The following EPG5 variants were observed in gnomAD, a reference collection of about 807,000 sequenced individuals.
The protein encoded by EPG5 is ectopic P granules protein 5 homolog.
A neutral mutation model predicts 302.7 loss-of-function variants in EPG5; 159 were observed. The observed-to-expected ratio is 0.53, with a 90% CI of 0.46 to 0.60. The LOEUF (loss-of-function observed/expected upper bound fraction) is 0.60, where lower values mean the gene tolerates loss of function less well. Among genes scored for constraint, EPG5 ranks in the 20% least tolerant of loss-of-function variants. EPG5 has a pLI of 0.00. For synonymous variants in EPG5, 1,158 were observed against 1,136.8 expected (o/e 1.02, Z -0.37); for missense variants, 2,896 against 3,092.4 (o/e 0.94, Z 1.51).
At position 45,954,796 on chromosome 18, in the gene EPG5, T is replaced by C. The variant is rs779003764; in HGVS notation, c.606A>G (p.Pro202=). 6.2e-7 allele frequency: 1 copy of C among 1,613,876 alleles called. No homozygotes were observed. Among genetic ancestry groups the C allele is most frequent in the Non-Finnish European group, 8.5e-7 (1 of 1,179,974 alleles). Residue 202 remains proline (P), a synonymous_variant, in exon 2 of 44, where the codon CCA becomes CCG. Transcript: ENST00000282041. ...TAGGTGTCTGAAAACCATGTTTGGCTGGGCAAGAACTCTGCAAGCCAACAT... is the reference window on the plus strand; with the variant it reads ...TAGGTGTCTGAAAACCATGTTTGGCCGGGCAAGAACTCTGCAAGCCAACAT... The part of the protein sequence containing the change: ...PQNVGLQSSC[P]AKHGFQTPRV...
At chr18:45,827,239 A>C in the EPG5 span, among the ~76,000 whole-genome samples, 1 of 152,166 alleles carries the variant, frequency 6.6e-6, no homozygotes, top group South Asian at 2.1e-4. Context: ...TTCCCTATGA[A>C]ACATTCTCTT....
In EPG5 at chr18:45,923,290, A is replaced by G; in HGVS notation, c.2816T>C (p.Ile939Thr). 1.2e-6 allele frequency: 2 copies of G among 1,613,992 alleles called. No individual in the cohort carries two copies. The highest frequency in any genetic ancestry group is 1.7e-6 in the Non-Finnish European group (2 of 1,179,946). Reference protein sequence around the residue: ...KYLAQKPYAGILSESMKQVSY... With the variant: ...KYLAQKPYAGTLSESMKQVSY... ...TACCTGCTTCATACTTTCAGAGAGAATCCCAGCATATGGCTTCTGTGCAAG... is the reference window on the plus strand; with the variant it reads ...TACCTGCTTCATACTTTCAGAGAGAGTCCCAGCATATGGCTTCTGTGCAAG... Residue 939 changes from isoleucine to threonine, a missense_variant, in exon 15 of 44, where the codon ATT (isoleucine) becomes ACT (threonine). Physicochemically the swap from Ile to Thr is moderately conservative, Grantham distance 89 (BLOSUM62 -1). Around this residue, in one of 5 missense-constraint regions of EPG5, gnomAD observed 1,390 missense variants for 1,430.0 expected, o/e 0.97. Transcript: ENST00000282041.
At chr18:45,930,099 G>C (rs984948104) in intron 12 of EPG5, among the ~76,000 whole-genome samples, 1 of 152,100 alleles carries the variant, frequency 6.6e-6, no homozygotes, top group East Asian at 1.9e-4. Context: ...GATGCTCAGG[G>C]GTCCAAATTT....
Position 45,916,583 on chromosome 18 carries a change from C to A in EPG5, c.3240-1G>T, listed in dbSNP as rs1409518394. On this transcript the variant is annotated splice_acceptor_variant, in intron 17 of 43. Transcript: ENST00000282041. LOFTEE classifies it high-confidence loss of function. ...GAACAAGAGGAGATGCGATAAAAAC[C>A]TGCCAAGCACACAGGAGGACGCACT... 1 of 1,593,482 alleles carries A rather than the reference C, an allele frequency of 6.3e-7. No individual in the cohort carries two copies. The highest frequency in any genetic ancestry group is 2.3e-5 in the East Asian group (1 of 44,178).
At chr18:45,855,722 G>T in intron 42 of EPG5, 35 bp from the exon 43 acceptor site, 2 of 1,349,004 alleles carry the variant, frequency 1.5e-6, no homozygotes, top group Admixed American at 1.7e-5. Flanking sequence ...AGAAGTAAAT[G>T]GCTATTAAAG....
intron 22 of EPG5, among the ~76,000 whole-genome samples, chr18:45,911,078 T>C (rs952723248): frequency 7.4e-5 from 10 of 135,366 alleles, no homozygotes; most frequent in African/African-American, 1.9e-4. Context: ...TATCTATCTA[T>C]ACACACACAC....
Position 45,963,088 on chromosome 18 carries a change from C to A in EPG5, c.63+4089G>T, listed in dbSNP as rs141227838. On this transcript the variant is annotated intron_variant, in intron 1 of 43. Coordinates refer to ENST00000282041, the MANE Select transcript of EPG5 (RefSeq NM_020964.3). ...ACATTATCAAGTGACAAAGAGGCTACGAAGGGTACTGAGAACAAGACAGGT... is the reference window on the plus strand; with the variant it reads ...ACATTATCAAGTGACAAAGAGGCTAAGAAGGGTACTGAGAACAAGACAGGT... Among the ~76,000 whole-genome samples, 11 of 152,176 alleles carry A rather than the reference C, an allele frequency of 7.2e-5. 1 individual carries two copies. In the East Asian group the frequency reaches 2.1e-3, roughly 29 times the overall value.
chr18:45,913,972 A>G, intron 20 of EPG5, 144 bp from the exon 21 acceptor site: 1 of 867,806 alleles, frequency 1.2e-6, no homozygotes, highest in Non-Finnish European at 1.8e-6. Context: ...ACACCTTTTT[A>G]TACCTACCTA....
At chr18:45,808,588 A>G in the EPG5 span, among the ~76,000 whole-genome samples, 1 of 152,172 alleles carries the variant, frequency 6.6e-6, no homozygotes, top group African/African-American at 2.4e-5. Flanking sequence ...CTCCTCAAAC[A>G]AAACAATTAT....
In EPG5 at chr18:45,878,944, T is replaced by A. The variant is rs1022232445; in HGVS notation, c.5869+69A>T. 53 of 1,216,784 alleles carry A rather than the reference T, an allele frequency of 4.4e-5. No homozygotes were observed. The Admixed American group carries it at 9.6e-4, about 22-fold the overall frequency. 75.4% of individuals were successfully genotyped at this position (1,216,784 alleles called of 1,614,324 possible). A position where few individuals can be genotyped will look rare whatever the true frequency, so the allele number is the denominator to read the frequency against. On this transcript the variant is annotated intron_variant, in intron 33 of 43. Coordinates refer to ENST00000282041, the MANE Select transcript of EPG5 (RefSeq NM_020964.3). ...GACACTCAATATAAATCTCTTAATG[T>A]GCCTATTTAAATCTCTCTTAATGGA...
intron 1 of EPG5, among the ~76,000 whole-genome samples, chr18:45,966,763 C>G (rs1341725893): frequency 6.6e-6 from 1 of 152,138 alleles, no homozygotes; most frequent in Non-Finnish European, 1.5e-5. Context: ...GTACCTTCTC[C>G]GCGTGGAGGA....
Position 45,858,797 on chromosome 18 carries a change from A to AAGAG in EPG5, c.7010-19_7010-16dup. Reference sequence around the variant, plus strand: ...ATTGAGAGGGCCTAAGAACATGAAGAAGAGACATCAAGATATAGGCAAGAA... The same window carrying AAGAG: ...ATTGAGAGGGCCTAAGAACATGAAGAAGAGAGAGACATCAAGATATAGGCAAGAA... On this transcript the variant is annotated splice_polypyrimidine_tract_variant and intron_variant, in intron 40 of 43. Transcript: ENST00000282041. 6.5e-7 allele frequency: 1 copy of AAGAG among 1,547,688 alleles called. No homozygotes were observed. The highest frequency in any genetic ancestry group is 1.1e-5 in the South Asian group (1 of 89,632).
chr18:45,935,153 C>T (rs1217587768), intron 10 of EPG5, among the ~76,000 whole-genome samples, 187 bp from the exon 11 acceptor site: 4 of 152,190 alleles, frequency 2.6e-5, no homozygotes, highest in Non-Finnish European at 4.4e-5. Context: ...CAGTCTGTGC[C>T]AGGGACTGTT....
the EPG5 span, chr18:45,837,732 A>T: frequency 4.0e-6 from 6 of 1,506,318 alleles, no homozygotes; most frequent in Non-Finnish European, 5.3e-6. Flanking sequence ...CTGAGCCTGC[A>T]CGGCCGCTTC....
At chr18:45,831,903 A>C in the EPG5 span, among the ~76,000 whole-genome samples, 6 of 152,056 alleles carry the variant, frequency 3.9e-5, no homozygotes, top group Non-Finnish European at 8.8e-5. Context: ...GCGCCCAGCT[A>C]ATTTTTGTGT....
At chr18:45,906,258 T>A (rs1332482891) in intron 24 of EPG5, among the ~76,000 whole-genome samples, 1 of 152,210 alleles carries the variant, frequency 6.6e-6, no homozygotes, top group Non-Finnish European at 1.5e-5. Flanking sequence ...TTTTAATTCA[T>A]CCATTTGTTT....
chr18:45,922,095 T>G (rs2050166988), intron 16 of EPG5, among the ~76,000 whole-genome samples: 1 of 152,108 alleles, frequency 6.6e-6, no homozygotes, highest in Non-Finnish European at 1.5e-5. Flanking sequence ...ACACGAACAT[T>G]CCACTCCAGG....
Position 45,882,465 on chromosome 18 carries a change from C to T in EPG5, c.5327G>A (p.Ser1776Asn). ...LTKFDLKQWL[S>N]ATKPPLSDRT... ...ATCAGACAGAGGAGGTTTAGTGGCG[C>T]TTAACCATTGTTTAAGATCGAACTA... Residue 1776 changes from serine (S) to asparagine (N), a missense_variant, in exon 31 of 44, where the codon AGC (serine) becomes AAC (asparagine). By Grantham distance (46) the Ser-to-Asn change is conservative (BLOSUM62 1). Transcript: ENST00000282041. The T allele has an allele frequency of 6.2e-7, 1 of 1,613,420 alleles. No homozygotes were observed. The highest frequency in any genetic ancestry group is 8.5e-7 in the Non-Finnish European group (1 of 1,179,808).
At chr18:45,953,599 T>C in intron 2 of EPG5, 1 of 985,332 alleles carries the variant, frequency 1.0e-6, no homozygotes, top group Non-Finnish European at 1.2e-6. Flanking sequence ...TGAAATGGCT[T>C]ATGATCACTT....
Sources: allele counts gnomAD v4.1 joint callset (sites outside exome capture counted in the v4.1 genomes callset), GRCh38; gene constraint gnomAD v4.1.1; regional missense constraint gnomAD v4.1.1; transcripts MANE v1.5; gene names NCBI Gene and HGNC (gene_info 2026-07-23, HGNC 2026-07-21).